The following UVSSA variants were observed in gnomAD, a reference collection of about 807,000 sequenced individuals.
UVSSA encodes the protein UV-stimulated scaffold protein A.
Under a neutral mutation model 73.9 loss-of-function variants are expected in UVSSA, and 72 were observed. That is an observed-to-expected ratio of 0.97 (90% CI 0.81 to 1.19). UVSSA has a LOEUF of 1.19. UVSSA is among the 50% of genes most tolerant of loss of function. The probability of loss-of-function intolerance (pLI) is 0.00; values close to 1 mark genes in which losing one functional copy is unlikely to be tolerated. For synonymous variants in UVSSA, 454 were observed against 391.3 expected, an observed-to-expected ratio of 1.16 and a Z score of -1.89; for missense variants, 1,150 against 965.0, an observed-to-expected ratio of 1.19 and a Z score of -2.54.
chr4:1,353,471 C>T lies in UVSSA; in HGVS notation c.934+58C>T, dbSNP rs553873246. ...CCCTGCCCCGGCTCCCGGGTAGGCT[C>T]CTCCCTCACTGGCACCCGGCCCAGG... On this transcript the variant is annotated intron_variant, in intron 5 of 13. Transcript: ENST00000389851. The T allele has an allele frequency of 1.7e-5, 24 of 1,434,176 alleles. No homozygotes were observed. The East Asian group carries it at 4.8e-4, about 29-fold the overall frequency. 88.8% of individuals were successfully genotyped at this position (1,434,176 alleles called of 1,614,324 possible).
chr4:1,355,396 C>T (rs908943435), intron 7 of UVSSA, 151 bp downstream of exon 7: 22 of 751,128 alleles, frequency 2.9e-5, no homozygotes, highest in Non-Finnish European at 4.1e-5. Flanking sequence ...GCCTCCCCAG[C>T]GAGGGCTTCC....
chr4:1,380,958 C>T lies in UVSSA; in HGVS notation c.1831C>T (p.Arg611Trp), dbSNP rs140176848. ...LDPEDRAREQ[R>W]RQLQKQERPE... is the part of the protein sequence containing the mutation. ...CCCGGAAGACAGGGCTCGTGAGCAG[C>T]GGCGGCAGCTGCAGAAGCAGGAGCG... Residue 611 changes from arginine to tryptophan, a missense_variant, in exon 12 of 14, where the codon CGG (arginine) becomes TGG (tryptophan). By Grantham distance (101) the Arg-to-Trp change is moderately radical. Transcript: ENST00000389851. The T allele has an allele frequency of 4.0e-4, 650 of 1,612,282 alleles. No homozygotes were observed. Among genetic ancestry groups the T allele is most frequent in the Non-Finnish European group, 4.3e-4 (513 of 1,179,486 alleles).
intron 12 of UVSSA, among the ~76,000 whole-genome samples, chr4:1,382,693 T>A (rs1719645422): frequency 6.6e-6 from 1 of 152,246 alleles, no homozygotes; most frequent in African/African-American, 2.4e-5. Context: ...CTTGGATTAA[T>A]CGTTCCTGTA....
At chr4:1,373,315 A>G (rs1718364263) in intron 8 of UVSSA, among the ~76,000 whole-genome samples, 1 of 152,202 alleles carries the variant, frequency 6.6e-6, no homozygotes, top group South Asian at 2.1e-4. Flanking sequence ...GGCAGGAAGC[A>G]TCCAGCACGG....
In UVSSA at chr4:1,383,907, C is replaced by G; in HGVS notation, c.2003C>G (p.Ala668Gly). ...LTNLKAQADTARARIGRKVFA... is the reference protein window; with the variant it reads ...LTNLKAQADTGRARIGRKVFA... Reference sequence around the variant, plus strand: ...AACCTGAAGGCTCAGGCTGATACCGCCCGCGCTCGCATTGGGAGAAAAGTC... The same window carrying G: ...AACCTGAAGGCTCAGGCTGATACCGGCCGCGCTCGCATTGGGAGAAAAGTC... The change falls in exon 13 of 14, where the codon GCC becomes GGC. Residue 668 changes from alanine to glycine, a missense_variant. Ala to Gly is a moderately conservative substitution (Grantham distance 60). Transcript: ENST00000389851. The G allele has an allele frequency of 1.2e-6, 2 of 1,613,148 alleles. No homozygotes were observed. The highest frequency in any genetic ancestry group is 2.7e-5 in the African/African-American group (2 of 75,048).
exon 14 of UVSSA, chr4:1,395,886 G>A (rs1720541428): frequency 6.3e-7 from 1 of 1,596,804 alleles, no homozygotes; most frequent in Admixed American, 1.7e-5. Context: ...AGGAGAGGGT[G>A]TTTTTGTAAA....
chr4:1,355,241 G>T lies in UVSSA; in HGVS notation c.1172G>T (p.Arg391Leu), dbSNP rs2276904. ...ATCGAGCCTGAGGGAGGGGAAAGGC[G>T]CAGGGTGAGTGGGCAGGCGGCGAGC... Reference protein sequence around the residue: ...LDIEPEGGERRRTEALGDAEE... With the variant: ...LDIEPEGGERLRTEALGDAEE... The change falls in exon 7 of 14, where the codon CGC (arginine) becomes CTC (leucine). Residue 391 changes from arginine to leucine, a missense_variant. Physicochemically the swap from Arg to Leu is moderately radical, Grantham distance 102. Coordinates refer to ENST00000389851, the MANE Select transcript of UVSSA (RefSeq NM_020894.4). 5.0e-6 allele frequency: 8 copies of T among 1,610,386 alleles called. No homozygotes were observed. The highest frequency in any genetic ancestry group is 6.8e-6 in the Non-Finnish European group (8 of 1,178,828).
chr4:1,346,451 C>G (rs1713692230), upstream of UVSSA, among the ~76,000 whole-genome samples: 1 of 152,214 alleles, frequency 6.6e-6, no homozygotes, highest in Admixed American at 6.5e-5. Context: ...CAGCCGACCT[C>G]GCACTCCCCT....
At position 1,348,157 on chromosome 4, in the gene UVSSA, T is replaced by C; in HGVS notation, c.66T>C (p.Pro22=). 1 of 1,613,836 alleles carries C rather than the reference T, an allele frequency of 6.2e-7. No homozygotes were observed. Among genetic ancestry groups the C allele is most frequent in the Non-Finnish European group, 8.5e-7 (1 of 1,179,950 alleles). ...CTTCAGGAGAACCCCGACTAAATCCTGAGAAAATGAAGGAACTGAAGAAAA... is the reference window on the plus strand; with the variant it reads ...CTTCAGGAGAACCCCGACTAAATCCCGAGAAAATGAAGGAACTGAAGAAAA... ...LTTSGEPRLN[P]EKMKELKKIC... Residue 22 remains proline, a synonymous_variant, in exon 2 of 14, where the codon CCT becomes CCC. Transcript: ENST00000389851.
chr4:1,395,531 G>C (rs759198422), exon 14 of UVSSA: 2 of 1,602,558 alleles, frequency 1.2e-6, no homozygotes, highest in South Asian at 2.2e-5. Flanking sequence ...GATGTGGAGT[G>C]CCCGCCTGCT....
In UVSSA at chr4:1,353,521, C is replaced by T. The variant is rs187433641; in HGVS notation, c.934+108C>T. 4.3e-6 allele frequency: 6 copies of T among 1,390,832 alleles called. No homozygotes were observed. In the African/African-American group the frequency reaches 8.7e-5, roughly 20 times the overall value. The allele number at this position is 1,390,832 out of a possible 1,614,324, so 86.2% of individuals were successfully genotyped here. A position where few individuals can be genotyped will look rare whatever the true frequency, so the allele number is the denominator to read the frequency against. ...GAGCCTGGGGATGCAGGGGCCTCCC[C>T]TGGGGAGCTAGGTCAGGGGTCACCA... On this transcript the variant is annotated intron_variant, in intron 5 of 13. Transcript: ENST00000389851.
chr4:1,345,314 T>C (rs1713581867), upstream of UVSSA, among the ~76,000 whole-genome samples: 1 of 152,006 alleles, frequency 6.6e-6, no homozygotes, highest in African/African-American at 2.4e-5. Flanking sequence ...GTGAGTCAGA[T>C]AATTGGTCCA....
chr4:1,395,701 C>A, exon 14 of UVSSA: 1 of 1,614,190 alleles, frequency 6.2e-7, no homozygotes, highest in South Asian at 1.1e-5. Flanking sequence ...CCCGCCTGCT[C>A]ACACAAAGCC....
intron 3 of UVSSA, among the ~76,000 whole-genome samples, 197 bp from the exon 4 acceptor site, chr4:1,351,518 T>A (rs927969643): frequency 2.0e-5 from 3 of 151,772 alleles, no homozygotes; most frequent in Non-Finnish European, 4.4e-5. Flanking sequence ...CCCAAGTAGC[T>A]GGGACTACAG....
Position 1,351,822 on chromosome 4 carries a change from G to A in UVSSA, c.537G>A (p.Glu179=), listed in dbSNP as rs772816983. The change falls in exon 4 of 14, where the codon GAG becomes GAA. Residue 179 remains glutamate, a synonymous_variant. Coordinates refer to ENST00000389851, the MANE Select transcript of UVSSA (RefSeq NM_020894.4). The stretch of plus-strand genomic sequence containing the variant: ...ATCAAGAAAGAGCCAGCCAGGCGGA[G>A]AGGGAGATGCAAGGCAAGTGTCCAG... The part of the protein sequence containing the change: ...KIYQERASQA[E]REMQEMSGEI... 3.1e-6 allele frequency: 5 copies of A among 1,613,428 alleles called. No individual in the cohort carries two copies.
rs112507956 is a variant in UVSSA, at chr4:1,395,427, C to T, written c.*9466C>T. ...GGAGTGCCCGCCTGCTCACACGTGC[C>T]GACGTGGAGTGCCCGCCTGCTCACG... On this transcript the variant is annotated 3_prime_UTR_variant, in exon 14 of 14. Transcript: ENST00000511216. The T allele has an allele frequency of 6.9e-4, 1,084 of 1,576,284 alleles. 7 individuals carry two copies. The highest frequency in any genetic ancestry group is 5.3e-3 in the South Asian group (477 of 89,816).
At chr4:1,370,280 C>T (rs986815163) in intron 8 of UVSSA, among the ~76,000 whole-genome samples, 3 of 152,168 alleles carry the variant, frequency 2.0e-5, no homozygotes, top group African/African-American at 4.8e-5. Context: ...TGTGTGCATG[C>T]GTGTGCTGAC....
intron 7 of UVSSA, chr4:1,356,462 A>G (rs1477068922): frequency 1.3e-5 from 2 of 152,262 alleles, no homozygotes; most frequent in Admixed American, 6.5e-5. Context: ...GTGGGAGCCC[A>G]CTGGCCTCGC....
At chr4:1,362,690 G>A (rs2109169843) in intron 7 of UVSSA, among the ~76,000 whole-genome samples, 1 of 152,312 alleles carries the variant, frequency 6.6e-6, no homozygotes. Flanking sequence ...CCCTCACCTT[G>A]AGGGCGGGTG....
Sources: gnomAD v4.1 joint callset for allele counts (sites outside exome capture counted in the v4.1 genomes callset) on GRCh38, gnomAD v4.1.1 for gene constraint, MANE v1.5 for transcripts, NCBI Gene and HGNC (gene_info 2026-07-23, HGNC 2026-07-21) for gene names.